The following GET1 variants were observed in gnomAD, a reference collection of about 807,000 sequenced individuals.
GET1 encodes the protein congenital heart disease 5 protein.
GET1 carries 20 observed loss-of-function variants against 22.6 expected under a neutral mutation model. The observed-to-expected ratio is 0.89, with a 90% CI of 0.62 to 1.29. The LOEUF is 1.29. Among genes scored for constraint, GET1 ranks in the 50% most tolerant of loss-of-function variants. GET1 has a pLI of 0.00. For synonymous variants in GET1, 92 were observed against 83.8 expected (o/e 1.10, Z -0.53); for missense variants, 209 against 219.9 (o/e 0.95, Z 0.31).
At chr21:39,396,460 A>G (rs753155864) in intron 4 of GET1, among the ~76,000 whole-genome samples, 1 of 152,028 alleles carries the variant, frequency 6.6e-6, no homozygotes, top group Non-Finnish European at 1.5e-5. Context: ...CCCGGGAGGT[A>G]GAGCTTGCAG....
At chr21:39,402,752 C>CT (rs779387281), downstream of GET1, among the ~76,000 whole-genome samples, 5 of 152,146 alleles carry the variant, frequency 3.3e-5, no homozygotes, top group East Asian at 1.9e-4. Context: ...TTTTAAAAAT[C>CT]TTTTTTCCAT....
chr21:39,385,783 A>G (rs1447151250), intron 1 of GET1, among the ~76,000 whole-genome samples: 1 of 150,356 alleles, frequency 6.7e-6, no homozygotes, highest in Non-Finnish European at 1.5e-5. Flanking sequence ...GTCAAAGTCC[A>G]TGCAAGCCGC....
At chr21:39,391,573 A>T in intron 2 of GET1, 196 bp from the exon 3 acceptor site, 3 of 557,288 alleles carry the variant, frequency 5.4e-6, no homozygotes, top group Non-Finnish European at 9.3e-6. Flanking sequence ...TCTGAGTCGG[A>T]TACTATTTTA....
intron 1 of GET1, among the ~76,000 whole-genome samples, chr21:39,425,618 T>C (rs1360573937): frequency 2.6e-5 from 4 of 152,180 alleles, no homozygotes; most frequent in African/African-American, 9.7e-5. Context: ...TACACTTTAA[T>C]ACTCTGGGCA....
At chr21:39,390,558 T>G (rs891016009) in intron 1 of GET1, 140 bp from the exon 2 acceptor site, 1 of 1,119,910 alleles carries the variant, frequency 8.9e-7, no homozygotes. Context: ...CGGCCGCAGT[T>G]TGCATTCAGT....
At chr21:39,422,962 C>T in intron 1 of GET1, 1 of 1,610,358 alleles carries the variant, frequency 6.2e-7, no homozygotes, top group Non-Finnish European at 8.5e-7. Flanking sequence ...TGTCTGGGCC[C>T]CTGAAATACA....
intron 1 of GET1, 30 bp downstream of exon 1, chr21:39,380,516 G>T: frequency 1.3e-6 from 2 of 1,592,968 alleles, no homozygotes; most frequent in Non-Finnish European, 1.7e-6. Context: ...CCCAAGGGCC[G>T]GTGGGGATGC....
At chr21:39,408,136 C>T (rs2039430252), downstream of GET1, among the ~76,000 whole-genome samples, 1 of 152,218 alleles carries the variant, frequency 6.6e-6, no homozygotes, top group South Asian at 2.1e-4. Flanking sequence ...TGCGGGGCTG[C>T]AGCCAGATCT....
At chr21:39,381,383 C>T (rs1318737650) in intron 1 of GET1, among the ~76,000 whole-genome samples, 1 of 152,196 alleles carries the variant, frequency 6.6e-6, no homozygotes, top group Non-Finnish European at 1.5e-5. Flanking sequence ...ACAGTTCTTG[C>T]TTTTCTCTCC....
chr21:39,385,749 C>T (rs2037844618), intron 1 of GET1, among the ~76,000 whole-genome samples: 1 of 151,844 alleles, frequency 6.6e-6, no homozygotes, highest in African/African-American at 2.4e-5. Flanking sequence ...ATGCACTGCG[C>T]AGGTGCTCCA....
chr21:39,424,185 G>A (rs938752608), intron 1 of GET1, among the ~76,000 whole-genome samples: 9 of 152,060 alleles, frequency 5.9e-5, no homozygotes, highest in East Asian at 3.9e-4. Context: ...GCTAATTTTT[G>A]TATTTTTAGT....
At chr21:39,385,133 G>A (rs2037801630) in intron 1 of GET1, among the ~76,000 whole-genome samples, 3 of 152,196 alleles carry the variant, frequency 2.0e-5, no homozygotes, top group African/African-American at 7.2e-5. Flanking sequence ...CTCATGACAA[G>A]CAGCAGAAAG....
At position 39,380,340 on chromosome 21, in the gene GET1, C is replaced by T. The variant is rs1325343028; in HGVS notation, c.-45C>T. 1.3e-6 allele frequency: 2 copies of T among 1,560,926 alleles called. No individual in the cohort carries two copies. The highest frequency in any genetic ancestry group is 2.4e-5 in the East Asian group (1 of 41,856). ...CGGTCGCCGCTGTTGTTGTGGTCCC[C>T]ATGGAGCTGCCGTAGCGGACCCAGC... is the stretch of plus-strand genomic sequence containing the variant. On this transcript the variant is annotated 5_prime_UTR_variant, in exon 1 of 5. Coordinates refer to ENST00000649170, the MANE Select transcript of GET1 (RefSeq NM_004627.6).
intron 3 of GET1, chr21:39,392,965 A>G: frequency 1.9e-6 from 1 of 528,614 alleles, no homozygotes; most frequent in East Asian, 3.0e-5. Context: ...CTTTAATTTG[A>G]CTTTCTCATT....
At chr21:39,391,968 AT>A in intron 3 of GET1, 132 bp downstream of exon 3, 1 of 810,738 alleles carries the variant, frequency 1.2e-6, no homozygotes, top group South Asian at 1.4e-5. Flanking sequence ...CCCTGCCCAC[AT>A]GGAGCTCTAA....
chr21:39,408,128 C>T (rs1424118915), downstream of GET1, among the ~76,000 whole-genome samples: 3 of 152,182 alleles, frequency 2.0e-5, no homozygotes, highest in Admixed American at 6.5e-5. Context: ...CCCAGCCTTG[C>T]GGGGCTGCAG....
downstream of GET1, among the ~76,000 whole-genome samples, chr21:39,406,947 C>G (rs1305442131): frequency 6.6e-6 from 1 of 152,186 alleles, no homozygotes; most frequent in Non-Finnish European, 1.5e-5. Context: ...ACAATGATGG[C>G]TGGGTGCAGT....
At chr21:39,417,820 C>T (rs868487209) in intron 1 of GET1, among the ~76,000 whole-genome samples, 33 of 152,124 alleles carry the variant, frequency 2.2e-4, no homozygotes, top group Non-Finnish European at 4.3e-4. Context: ...GGCTGGAGTG[C>T]GGTGGCGTGA....
exon 2 of GET1, chr21:39,428,423 C>T: frequency 6.2e-7 from 1 of 1,612,024 alleles, no homozygotes; most frequent in South Asian, 1.1e-5. Context: ...TGCAGACCTC[C>T]TATTGTTTTC....
Sources: gnomAD v4.1 joint callset for allele counts (sites outside exome capture counted in the v4.1 genomes callset) on GRCh38, gnomAD v4.1.1 for gene constraint, MANE v1.5 for transcripts, NCBI Gene and HGNC (gene_info 2026-07-23, HGNC 2026-07-21) for gene names.